The following PPARGC1A variants were observed in gnomAD, a reference collection of about 807,000 sequenced individuals.
PPARGC1A encodes the protein PPARG coactivator 1 alpha.
Under a neutral mutation model 88.7 loss-of-function variants are expected in PPARGC1A, and 25 were observed. That is an observed-to-expected ratio of 0.28 (90% CI 0.21 to 0.39). PPARGC1A has a LOEUF of 0.39. PPARGC1A is among the 10% of genes least tolerant of loss of function. The pLI, the probability that PPARGC1A is intolerant of heterozygous loss-of-function variation, is 1.00. For missense variants in PPARGC1A, 880 were observed against 968.7 expected, an observed-to-expected ratio of 0.91 and a Z score of 1.22; for synonymous variants, 363 against 355.6, an observed-to-expected ratio of 1.02 and a Z score of -0.24.
chr4:24,367,063 A>C, the PPARGC1A span, among the ~76,000 whole-genome samples: 1 of 152,210 alleles, frequency 6.6e-6, no homozygotes, highest in African/African-American at 2.4e-5. Flanking sequence ...CATAATGGAT[A>C]AAATTGTTCA....
At chr4:23,953,076 C>G in the PPARGC1A span, among the ~76,000 whole-genome samples, 1 of 152,056 alleles carries the variant, frequency 6.6e-6, no homozygotes, top group East Asian at 1.9e-4. Flanking sequence ...ACTTTTGAGT[C>G]TCACCTTTCT....
At chr4:23,875,490 T>A (rs2148794550) in intron 2 of PPARGC1A, among the ~76,000 whole-genome samples, 1 of 152,028 alleles carries the variant, frequency 6.6e-6, no homozygotes, top group South Asian at 2.1e-4. Context: ...TCGGTCTGTC[T>A]AGTAAATCCA....
the PPARGC1A span, among the ~76,000 whole-genome samples, chr4:23,983,133 T>C: frequency 2.0e-5 from 3 of 152,276 alleles, no homozygotes; most frequent in African/African-American, 7.2e-5. Context: ...CAAACCTTTC[T>C]GTAGGTCACA....
chr4:23,912,982 T>A, the PPARGC1A span, among the ~76,000 whole-genome samples: 2 of 149,040 alleles, frequency 1.3e-5, no homozygotes, highest in South Asian at 2.1e-4. Flanking sequence ...AATTTTTTTA[T>A]TTTTAGTAGA....
chr4:24,177,522 C>T, the PPARGC1A span, among the ~76,000 whole-genome samples: 14 of 151,578 alleles, frequency 9.2e-5, no homozygotes, highest in Non-Finnish European at 5.9e-5. Context: ...TGTTAAATGA[C>T]GAGTGACTGG....
chr4:24,384,558 C>CAAA, the PPARGC1A span, among the ~76,000 whole-genome samples: 9 of 53,958 alleles, frequency 1.7e-4, no homozygotes, highest in African/African-American at 2.2e-4. Flanking sequence ...AAATGGAAAG[C>CAAA]AAAAAAAAAA....
chr4:23,999,704 T>A, the PPARGC1A span, among the ~76,000 whole-genome samples: 1 of 152,176 alleles, frequency 6.6e-6, no homozygotes, highest in Non-Finnish European at 1.5e-5. Context: ...ATTGCAGATA[T>A]CCTAAGCTTA....
chr4:23,817,006 A>C (rs902223635), intron 7 of PPARGC1A, among the ~76,000 whole-genome samples: 1 of 152,140 alleles, frequency 6.6e-6, no homozygotes, highest in Non-Finnish European at 1.5e-5. Context: ...AAACATTTTT[A>C]ATGAGATGCT....
chr4:24,160,404 G>A, the PPARGC1A span, among the ~76,000 whole-genome samples: 13 of 152,120 alleles, frequency 8.5e-5, no homozygotes, highest in East Asian at 1.9e-4. Flanking sequence ...TATTAGCATC[G>A]TATATTGTAA....
At chr4:24,472,859 G>T in the PPARGC1A span, among the ~76,000 whole-genome samples, 2 of 151,582 alleles carry the variant, frequency 1.3e-5, no homozygotes, top group South Asian at 2.1e-4. The surrounding 1 kb of genome is among the most constrained non-coding windows in gnomAD (Gnocchi z 4.5). Flanking sequence ...GATAATGAGC[G>T]AGCCGGGATG....
chr4:24,366,977 C>T, the PPARGC1A span, among the ~76,000 whole-genome samples: 1 of 152,102 alleles, frequency 6.6e-6, no homozygotes. Flanking sequence ...ATTTTATATA[C>T]ACACTTGTGG....
chr4:23,826,572 C>CT lies in PPARGC1A; in HGVS notation c.757+1827dup, dbSNP rs151103588. 7.6e-3 allele frequency among the ~76,000 whole-genome samples: 1,156 copies of CT among 152,234 alleles called. 11 individuals carry two copies. The highest frequency in any genetic ancestry group is 0.024 in the African/African-American group (992 of 41,554). ...AGAAAGGTAATTTCAATCGATCCTCCTAGTTATCTCTAATTGTTCATGTAT... is the reference window on the plus strand; with the variant it reads ...AGAAAGGTAATTTCAATCGATCCTCCTTAGTTATCTCTAATTGTTCATGTAT... On this transcript the variant is annotated intron_variant, in intron 5 of 12. Coordinates refer to ENST00000264867, the MANE Select transcript of PPARGC1A (RefSeq NM_013261.5).
chr4:24,230,565 C>A, the PPARGC1A span, among the ~76,000 whole-genome samples: 4 of 152,188 alleles, frequency 2.6e-5, no homozygotes, highest in African/African-American at 9.7e-5. Flanking sequence ...CCCCATATAG[C>A]ACCTTCATTT....
chr4:23,834,315 A>C (rs1725619299), intron 2 of PPARGC1A, among the ~76,000 whole-genome samples: 2 of 151,498 alleles, frequency 1.3e-5, no homozygotes, highest in South Asian at 4.2e-4. Flanking sequence ...AAACATATAT[A>C]TATACACACA....
At chr4:23,811,881 A>C (rs1720958688) in intron 10 of PPARGC1A, among the ~76,000 whole-genome samples, 1 of 145,308 alleles carries the variant, frequency 6.9e-6, no homozygotes, top group Non-Finnish European at 1.5e-5. Flanking sequence ...ATCACGCAGA[A>C]GAAATGACTT....
At chr4:24,337,381 C>A in the PPARGC1A span, among the ~76,000 whole-genome samples, 1 of 152,160 alleles carries the variant, frequency 6.6e-6, no homozygotes, top group Non-Finnish European at 1.5e-5. Context: ...AGGCCCTGTG[C>A]CAGTGCTGAG....
chr4:24,213,360 G>T, the PPARGC1A span, among the ~76,000 whole-genome samples: 2 of 151,938 alleles, frequency 1.3e-5, no homozygotes, highest in Non-Finnish European at 2.9e-5. Flanking sequence ...TAGAGACGGG[G>T]TTTCACTGTG....
the PPARGC1A span, among the ~76,000 whole-genome samples, chr4:24,343,776 T>C: frequency 6.0e-5 from 9 of 151,208 alleles, no homozygotes; most frequent in South Asian, 1.5e-3. Flanking sequence ...CCATAAGTTA[T>C]TGGGGTATTT....
chr4:24,005,154 G>A, the PPARGC1A span, among the ~76,000 whole-genome samples: 834 of 152,094 alleles, frequency 5.5e-3, 37 homozygotes, highest in East Asian at 0.089. Flanking sequence ...AGCAATAAAG[G>A]GTCTCGAAGC....
Sources: allele counts gnomAD v4.1 joint callset (sites outside exome capture counted in the v4.1 genomes callset), GRCh38; gene constraint gnomAD v4.1.1; non-coding constraint Gnocchi (gnomAD v3.1); transcripts MANE v1.5; gene names NCBI Gene and HGNC (gene_info 2026-07-23, HGNC 2026-07-21).